Variants in PRKAR1B observed in about 807,000 individuals in gnomAD.
PRKAR1B encodes the protein protein kinase cAMP-dependent type I regulatory subunit beta.
PRKAR1B carries 22 observed loss-of-function variants against 46.5 expected under a neutral mutation model. The observed-to-expected ratio is 0.47, with a 90% CI of 0.34 to 0.68. The LOEUF (loss-of-function observed/expected upper bound fraction) is 0.68, where lower values mean the gene tolerates loss of function less well. Ranked by LOEUF, PRKAR1B falls within the 30% of genes least tolerant of loss-of-function variation. The pLI is 0.01. For synonymous variants in PRKAR1B, 259 were observed against 217.7 expected, an observed-to-expected ratio of 1.19 and a Z score of -1.67; for missense variants, 445 against 535.6, an observed-to-expected ratio of 0.83 and a Z score of 1.67.
At chr7:580,921 A>C (rs1261976564) in intron 8 of PRKAR1B, among the ~76,000 whole-genome samples, 1 of 152,144 alleles carries the variant, frequency 6.6e-6, no homozygotes, top group Non-Finnish European at 1.5e-5. Context: ...AATGCTTCCC[A>C]CGAACCCCAG....
At chr7:568,726 C>T (rs1779319048) in intron 9 of PRKAR1B, among the ~76,000 whole-genome samples, 1 of 152,166 alleles carries the variant, frequency 6.6e-6, no homozygotes, top group Admixed American at 6.5e-5. Flanking sequence ...AGGATGTTCC[C>T]AGCCAAAACA....
Position 550,259 on chromosome 7 carries a change from A to T in PRKAR1B, c.*171T>A. On this transcript the variant is annotated 3_prime_UTR_variant, in exon 11 of 11. Coordinates refer to ENST00000537384, the MANE Select transcript of PRKAR1B (RefSeq NM_001164760.2). The stretch of plus-strand genomic sequence containing the variant: ...TTGTCCTTTGATTTGGAAATGCACA[A>T]GGTGATCATTTATTCCAAAAAGTGA... 1.6e-6 allele frequency: 1 copy of T among 610,698 alleles called. No homozygotes were observed. The highest frequency in any genetic ancestry group is 2.0e-5 in the South Asian group (1 of 50,812). The allele number at this position is 610,698 out of a possible 1,614,324, so 37.8% of individuals were successfully genotyped here. A position where few individuals can be genotyped will look rare whatever the true frequency, so the allele number is the denominator to read the frequency against.
At chr7:552,304 C>T (rs1269187497) in intron 9 of PRKAR1B, among the ~76,000 whole-genome samples, 2 of 130,862 alleles carry the variant, frequency 1.5e-5, no homozygotes, top group African/African-American at 3.0e-5. Flanking sequence ...CACCCAAACC[C>T]CCACCTCCCG....
chr7:629,569 G>A (rs71518331), intron 4 of PRKAR1B, among the ~76,000 whole-genome samples: 25 of 78,618 alleles, frequency 3.2e-4, no homozygotes, highest in African/African-American at 1.3e-3. Context: ...CTCCCAGGGC[G>A]CCACCACCCC....
Position 717,192 on chromosome 7 carries a change from G to A in PRKAR1B, c.-22-5665C>T, listed in dbSNP as rs535072763. Among the ~76,000 whole-genome samples the A allele has an allele frequency of 1.4e-3, 208 of 152,098 alleles. 1 individual carries two copies. Among genetic ancestry groups the A allele is most frequent in the Admixed American group, 4.3e-3 (65 of 15,276 alleles). ...TAGTCCCAGCTACTTGGGAGGCTGA[G>A]GCAGGAAGATCACTTGAACCCAAGA... On this transcript the variant is annotated intron_variant, in intron 1 of 10. Transcript: ENST00000537384.
chr7:627,493 A>T (rs1783469701), intron 4 of PRKAR1B, among the ~76,000 whole-genome samples: 2 of 152,212 alleles, frequency 1.3e-5, no homozygotes, highest in Non-Finnish European at 2.9e-5. Context: ...GGGCAGAGCC[A>T]GGTGCGGACC....
At chr7:694,249 C>T (rs1779602380) in intron 2 of PRKAR1B, among the ~76,000 whole-genome samples, 1 of 152,154 alleles carries the variant, frequency 6.6e-6, no homozygotes, top group African/African-American at 2.4e-5. Flanking sequence ...CGCACCACTG[C>T]ACTCCAGCCT....
At chr7:708,790 ATT>A (rs367689443) in intron 2 of PRKAR1B, among the ~76,000 whole-genome samples, 38 of 131,742 alleles carry the variant, frequency 2.9e-4, no homozygotes, top group East Asian at 2.0e-3. Flanking sequence ...CCCGGCCCCA[ATT>A]TTTTTTTTTT....
intron 4 of PRKAR1B, among the ~76,000 whole-genome samples, chr7:624,327 G>A (rs368410190): frequency 5.8e-4 from 89 of 152,284 alleles, no homozygotes; most frequent in Middle Eastern, 6.8e-3. Context: ...CAGCTATTCA[G>A]GAGACTGAGG....
chr7:609,327 A>G (rs985018553), intron 4 of PRKAR1B, among the ~76,000 whole-genome samples: 5 of 152,206 alleles, frequency 3.3e-5, no homozygotes, highest in Admixed American at 2.6e-4. Context: ...TTTTAAAAAA[A>G]TATTTCAACT....
At chr7:592,283 G>A (rs1781020714) in intron 7 of PRKAR1B, among the ~76,000 whole-genome samples, 3 of 152,354 alleles carry the variant, frequency 2.0e-5, no homozygotes, top group East Asian at 1.9e-4. Context: ...AGCCCCGGTC[G>A]AGGCTCGGGG....
At chr7:727,180 G>T in intron 1 of PRKAR1B, 30 bp downstream of exon 1, 1 of 1,338,844 alleles carries the variant, frequency 7.5e-7, no homozygotes, top group Non-Finnish European at 9.6e-7. Flanking sequence ...CCTGGCCGTG[G>T]ACCTGTGCGG....
chr7:578,979 G>A, intron 9 of PRKAR1B: 15 of 1,265,714 alleles, frequency 1.2e-5, no homozygotes, highest in South Asian at 1.5e-5. Context: ...GCCGCGCCCG[G>A]CCAGTTTCAT....
chr7:646,519 G>C (rs1194853523), intron 4 of PRKAR1B, among the ~76,000 whole-genome samples: 3 of 152,236 alleles, frequency 2.0e-5, no homozygotes, highest in Non-Finnish European at 4.4e-5. Context: ...TCTTGGCCCC[G>C]AGCTAATGAC....
intron 2 of PRKAR1B, among the ~76,000 whole-genome samples, chr7:692,337 T>C (rs1301183513): frequency 1.3e-5 from 2 of 149,496 alleles, no homozygotes; most frequent in Non-Finnish European, 3.0e-5. Context: ...GAGGTGGAGG[T>C]TGCAGTGAGC....
intron 4 of PRKAR1B, among the ~76,000 whole-genome samples, chr7:627,604 C>A (rs558220652): frequency 6.6e-6 from 1 of 152,344 alleles, no homozygotes; most frequent in Non-Finnish European, 1.5e-5. Context: ...CCGTCCGGGG[C>A]ACCCCAGTAC....
intron 4 of PRKAR1B, among the ~76,000 whole-genome samples, chr7:638,518 C>T (rs544910134): frequency 2.6e-5 from 4 of 152,268 alleles, no homozygotes; most frequent in Admixed American, 1.3e-4. Flanking sequence ...GCTCTCTCCT[C>T]GCCAGGCTCA....
chr7:713,992 C>G (rs1780783375), intron 1 of PRKAR1B, among the ~76,000 whole-genome samples: 1 of 152,166 alleles, frequency 6.6e-6, no homozygotes, highest in African/African-American at 2.4e-5. Flanking sequence ...ATCCCACAAC[C>G]CACTCAGACC....
intron 4 of PRKAR1B, among the ~76,000 whole-genome samples, chr7:631,192 C>A (rs2128479214): frequency 6.6e-6 from 1 of 152,330 alleles, no homozygotes; most frequent in Middle Eastern, 3.4e-3. Context: ...CTCAAGTGAT[C>A]CGCCCACCTT....
Sources: gnomAD v4.1 joint callset for allele counts (sites outside exome capture counted in the v4.1 genomes callset) on GRCh38, gnomAD v4.1.1 for gene constraint, MANE v1.5 for transcripts, NCBI Gene and HGNC (gene_info 2026-07-23, HGNC 2026-07-21) for gene names.